Variants in PAK2 observed in about 807,000 individuals in gnomAD.
PAK2 encodes serine/threonine-protein kinase PAK 2.
In PAK2, 21 loss-of-function variants were observed where a neutral mutation model predicts 65.9. The ratio of observed to expected loss-of-function variants is 0.32; its 90% confidence interval spans 0.23 to 0.46. PAK2 has a LOEUF of 0.46. Ranked by LOEUF, PAK2 falls within the 20% of genes least tolerant of loss-of-function variation. The pLI is 1.00. For missense variants in PAK2, 324 were observed against 642.6 expected, an observed-to-expected ratio of 0.50 and a Z score of 5.36; for synonymous variants, 204 against 219.7, an observed-to-expected ratio of 0.93 and a Z score of 0.63.
At chr3:196,790,163 TC>T (rs1715023551) in intron 2 of PAK2, among the ~76,000 whole-genome samples, 1 of 152,208 alleles carries the variant, frequency 6.6e-6, no homozygotes, top group Non-Finnish European at 1.5e-5. Flanking sequence ...AGAAGAGTCT[TC>T]CTTTTAAACA....
intron 1 of PAK2, among the ~76,000 whole-genome samples, chr3:196,742,539 C>G (rs538813760): frequency 6.6e-6 from 1 of 152,312 alleles, no homozygotes; most frequent in Non-Finnish European, 1.5e-5. Flanking sequence ...TTTTATCCAT[C>G]AAAATCGATT....
At chr3:196,805,325 T>C in intron 4 of PAK2, 27 bp from the exon 5 acceptor site, 1 of 1,301,138 alleles carries the variant, frequency 7.7e-7, no homozygotes, top group East Asian at 2.5e-5. Flanking sequence ...CTTGAATTGC[T>C]AATGTTATGT....
intron 2 of PAK2, among the ~76,000 whole-genome samples, chr3:196,790,670 T>C (rs926099649): frequency 2.6e-5 from 4 of 152,216 alleles, no homozygotes; most frequent in Admixed American, 2.6e-4. Context: ...ACAGATGTTA[T>C]GCTTGTCAGT....
Position 196,807,787 on chromosome 3 carries a change from C to A in PAK2, c.582C>A (p.Tyr194Ter). ...APRPDHTKSIYTRSVIDPVPA... is the reference protein window; with the variant it reads ...APRPDHTKSI Reference sequence around the variant, plus strand: ...AATGAACTGTGTCTCCACAGATTTACACACGGTCTGTAATTGACCCTGTTC... The same window carrying A: ...AATGAACTGTGTCTCCACAGATTTAAACACGGTCTGTAATTGACCCTGTTC... The change falls in exon 7 of 15, where the codon TAC becomes TAA. Residue 194 changes from tyrosine to a stop codon, truncating the protein, a stop_gained. Transcript: ENST00000327134. LOFTEE classifies it high-confidence loss of function. 6.3e-7 allele frequency: 1 copy of A among 1,593,478 alleles called. No homozygotes were observed. Among genetic ancestry groups the A allele is most frequent in the Admixed American group, 1.7e-5 (1 of 58,898 alleles).
intron 13 of PAK2, among the ~76,000 whole-genome samples, chr3:196,825,462 T>C (rs139268377): frequency 6.6e-6 from 1 of 151,102 alleles, no homozygotes; most frequent in Non-Finnish European, 1.5e-5. Flanking sequence ...GCCAACACAG[T>C]GAAACCCCGT....
intron 12 of PAK2, among the ~76,000 whole-genome samples, chr3:196,819,634 G>A (rs976888414): frequency 6.6e-6 from 1 of 152,020 alleles, no homozygotes; most frequent in Non-Finnish European, 1.5e-5. Flanking sequence ...TTTAACAGTA[G>A]TCACATATGA....
rs752910075 is a variant in PAK2, at chr3:196,832,134, A to G, written c.*3729A>G. On this transcript the variant is annotated 3_prime_UTR_variant, in exon 15 of 15. Transcript: ENST00000327134. ...AAGTCTTTCCCATTCACTTCTCTAG[A>G]AAGCTGCCAAGACAGAGGCAGAAAG... 5.3e-5 allele frequency: 8 copies of G among 152,346 alleles called. No homozygotes were observed. Among genetic ancestry groups the G allele is most frequent in the Middle Eastern group, 3.4e-3 (1 of 294 alleles). The allele number at this position is 152,346 out of a possible 1,614,324, so 9.4% of individuals were successfully genotyped here.
chr3:196,790,925 A>G (rs1715050426), intron 2 of PAK2, among the ~76,000 whole-genome samples: 1 of 152,332 alleles, frequency 6.6e-6, no homozygotes, highest in South Asian at 2.1e-4. Context: ...TAGATAAACT[A>G]CTTTATATTC....
intron 10 of PAK2, 63 bp from the exon 11 acceptor site, chr3:196,814,388 A>G: frequency 2.9e-6 from 2 of 685,724 alleles, no homozygotes; most frequent in Non-Finnish European, 5.2e-6. Flanking sequence ...ATTCTTCAAC[A>G]TAGAATACCA....
At chr3:196,764,788 G>C (rs114772853) in intron 1 of PAK2, among the ~76,000 whole-genome samples, 2,288 of 151,426 alleles carry the variant, frequency 0.015, 65 homozygotes, top group African/African-American at 0.053. Flanking sequence ...CAAAATGTTG[G>C]GATTACAGCT....
chr3:196,793,667 A>G (rs1715150644), intron 2 of PAK2, among the ~76,000 whole-genome samples: 1 of 152,242 alleles, frequency 6.6e-6, no homozygotes, highest in African/African-American at 2.4e-5. Flanking sequence ...GCATACACAC[A>G]TACTGTATAA....
Position 196,812,772 on chromosome 3 carries a change from C to A in PAK2, c.856C>A (p.Pro286Thr). 1 of 1,555,308 alleles carries A rather than the reference C, an allele frequency of 6.4e-7. No homozygotes were observed. The highest frequency in any genetic ancestry group is 8.9e-7 in the Non-Finnish European group (1 of 1,128,688). The change falls in exon 10 of 15, where the codon CCA (proline) becomes ACA (threonine). Residue 286 changes from proline (P) to threonine (T), a missense_variant. Around this residue, in one of 5 missense-constraint regions of PAK2, gnomAD observed 183 missense variants for 246.2 expected, o/e 0.74. Transcript: ENST00000327134. Reference sequence around the variant, plus strand: ...CAAACAAATTAATTTACAGAAACAGCCAAAGAAGGAACTGATCATTAACGA... The same window carrying A: ...CAAACAAATTAATTTACAGAAACAGACAAAGAAGGAACTGATCATTAACGA... The part of the protein sequence containing the change: ...AIKQINLQKQ[P>T]KKELIINEIL...
At chr3:196,779,152 C>T (rs1372042067) in intron 1 of PAK2, among the ~76,000 whole-genome samples, 2 of 152,186 alleles carry the variant, frequency 1.3e-5, no homozygotes, top group African/African-American at 4.8e-5. Context: ...ATTTTATTTG[C>T]AATTCTTCTG....
At chr3:196,814,203 C>G (rs895380534) in intron 10 of PAK2, among the ~76,000 whole-genome samples, 2 of 152,060 alleles carry the variant, frequency 1.3e-5, no homozygotes, top group Non-Finnish European at 2.9e-5. Flanking sequence ...TTATTTTAAT[C>G]AGAATGAGCT....
At chr3:196,780,109 G>T (rs765285100) in intron 1 of PAK2, among the ~76,000 whole-genome samples, 43 of 152,232 alleles carry the variant, frequency 2.8e-4, no homozygotes, top group Non-Finnish European at 4.8e-4. Context: ...CCCGCATGAT[G>T]TCATGAGCTG....
In PAK2 at chr3:196,782,753, G is replaced by A. The variant is rs199528043; in HGVS notation, c.107G>A (p.Ser36Asn). The change falls in exon 2 of 15, where the codon AGT becomes AAT. Residue 36 changes from serine (S) to asparagine (N), a missense_variant. Around this residue, in one of 5 missense-constraint regions of PAK2, gnomAD observed 42 missense variants for 67.4 expected, o/e 0.62. Coordinates refer to ENST00000327134, the MANE Select transcript of PAK2 (RefSeq NM_002577.4). Reference protein sequence around the residue: ...GGKDPLSANHSLKPLPSVPEE... With the variant: ...GGKDPLSANHNLKPLPSVPEE... Reference sequence around the variant, plus strand: ...AAAGACCCTTTGTCAGCCAATCACAGTTTGAAACCTTTGCCCTCTGTTCCA... The same window carrying A: ...AAAGACCCTTTGTCAGCCAATCACAATTTGAAACCTTTGCCCTCTGTTCCA... The A allele has an allele frequency of 6.2e-7, 1 of 1,613,554 alleles. No individual in the cohort carries two copies. The highest frequency in any genetic ancestry group is 2.2e-5 in the East Asian group (1 of 44,872).
chr3:196,774,616 T>G (rs1263259880), intron 1 of PAK2, among the ~76,000 whole-genome samples: 1 of 152,190 alleles, frequency 6.6e-6, no homozygotes, highest in African/African-American at 2.4e-5. Flanking sequence ...ATATGAGGCA[T>G]AGGATTGACA....
chr3:196,811,582 A>G (rs1256067349), intron 8 of PAK2, among the ~76,000 whole-genome samples: 1 of 151,060 alleles, frequency 6.6e-6, no homozygotes, highest in Non-Finnish European at 1.5e-5. Context: ...CAATTGCAGC[A>G]CTGGTTTTAT....
intron 1 of PAK2, among the ~76,000 whole-genome samples, chr3:196,770,815 G>C (rs1349803346): frequency 1.3e-5 from 2 of 151,800 alleles, no homozygotes; most frequent in Non-Finnish European, 2.9e-5. Flanking sequence ...TAGAATCAGG[G>C]CTTCACTATG....
Sources: allele counts gnomAD v4.1 joint callset (sites outside exome capture counted in the v4.1 genomes callset), GRCh38; gene constraint gnomAD v4.1.1; regional missense constraint gnomAD v4.1.1; transcripts MANE v1.5; gene names NCBI Gene and HGNC (gene_info 2026-07-23, HGNC 2026-07-21).